MICU2: variants seen among roughly 807,000 people sequenced by gnomAD.
MICU2 encodes calcium uptake protein 2, mitochondrial.
MICU2 carries 64 observed loss-of-function variants against 60.4 expected under a neutral mutation model. The observed-to-expected ratio is 1.06, with a 90% CI of 0.87 to 1.31. The LOEUF (loss-of-function observed/expected upper bound fraction) is 1.31, where lower values mean the gene tolerates loss of function less well. MICU2 is among the 50% of genes most tolerant of loss of function. MICU2 has a pLI of 0.00. For synonymous variants in MICU2, 201 were observed against 175.0 expected (o/e 1.15, Z -1.17); for missense variants, 569 against 531.0 (o/e 1.07, Z -0.70).
Position 21,576,238 on chromosome 13 carries a change from G to A in MICU2, c.211-9294C>T, listed in dbSNP as rs144117091. On this transcript the variant is annotated intron_variant, in intron 1 of 11. Transcript: ENST00000382374. Reference sequence around the variant, plus strand: ...AATTTGAATAGAAAACTAGCAACAGGTCTGGTATCTTGATTTATCTTGACT... The same window carrying A: ...AATTTGAATAGAAAACTAGCAACAGATCTGGTATCTTGATTTATCTTGACT... Among the ~76,000 whole-genome samples, 431 of 152,274 alleles carry A rather than the reference G, an allele frequency of 2.8e-3. 1 individual carries two copies. The highest frequency in any genetic ancestry group is 9.5e-3 in the African/African-American group (396 of 41,554).
intron 6 of MICU2, among the ~76,000 whole-genome samples, chr13:21,519,665 T>C (rs1468277181): frequency 6.6e-6 from 1 of 152,218 alleles, no homozygotes; most frequent in Non-Finnish European, 1.5e-5. Context: ...GCTACATTAC[T>C]GATCTCCAGT....
intron 1 of MICU2, among the ~76,000 whole-genome samples, chr13:21,577,623 G>A (rs1888254207): frequency 6.6e-6 from 1 of 152,080 alleles, no homozygotes; most frequent in Non-Finnish European, 1.5e-5. Flanking sequence ...GGCCAACATG[G>A]TGAAACCCTG....
intron 5 of MICU2, among the ~76,000 whole-genome samples, chr13:21,522,018 A>C (rs1226670364): frequency 1.3e-5 from 2 of 152,222 alleles, no homozygotes; most frequent in Non-Finnish European, 2.9e-5. Flanking sequence ...GGCTCAAGCT[A>C]AAGTGCTGGG....
At chr13:21,532,663 T>C (rs539530698) in intron 4 of MICU2, among the ~76,000 whole-genome samples, 22 of 152,324 alleles carry the variant, frequency 1.4e-4, no homozygotes, top group African/African-American at 4.8e-4. Flanking sequence ...TATGGGGTCA[T>C]AGAAGCCAAA....
chr13:21,529,313 T>C (rs754361130), intron 4 of MICU2, among the ~76,000 whole-genome samples: 4 of 152,214 alleles, frequency 2.6e-5, no homozygotes, highest in Admixed American at 6.5e-5. Flanking sequence ...ACAGGAAGTG[T>C]TGGTTTAGGG....
At chr13:21,585,056 G>C (rs961387097) in intron 1 of MICU2, among the ~76,000 whole-genome samples, 1 of 152,198 alleles carries the variant, frequency 6.6e-6, no homozygotes, top group African/African-American at 2.4e-5. Context: ...TAGATTTACA[G>C]TAGGATCGTT....
chr13:21,574,973 C>T (rs1888189776), intron 1 of MICU2, among the ~76,000 whole-genome samples: 1 of 152,178 alleles, frequency 6.6e-6, no homozygotes, highest in Non-Finnish European at 1.5e-5. Flanking sequence ...ATACATTCTA[C>T]AAAATGACAG....
intron 1 of MICU2, among the ~76,000 whole-genome samples, chr13:21,570,994 CCTTT>C (rs1287489175): frequency 3.9e-5 from 6 of 152,168 alleles, no homozygotes; most frequent in African/African-American, 1.2e-4. Context: ...CTGTTCTTTT[CCTTT>C]CTTTCTTCAC....
chr13:21,517,702 G>A (rs1050245465), intron 6 of MICU2, among the ~76,000 whole-genome samples: 4 of 152,096 alleles, frequency 2.6e-5, no homozygotes, highest in African/African-American at 4.8e-5. Flanking sequence ...GCTGGAGCCC[G>A]GGAGGCAGAG....
chr13:21,579,506 A>T (rs1363813579), intron 1 of MICU2, among the ~76,000 whole-genome samples: 1 of 151,944 alleles, frequency 6.6e-6, no homozygotes, highest in African/African-American at 2.4e-5. Flanking sequence ...ACGCCAAGCT[A>T]ATTTTTTGTA....
chr13:21,536,075 T>C (rs1426277994), intron 4 of MICU2, among the ~76,000 whole-genome samples: 1 of 152,136 alleles, frequency 6.6e-6, no homozygotes, highest in Non-Finnish European at 1.5e-5. Flanking sequence ...TCTATAGGGA[T>C]GTTCTGGTGC....
intron 1 of MICU2, among the ~76,000 whole-genome samples, chr13:21,579,841 A>C (rs1410345319): frequency 6.6e-6 from 1 of 152,210 alleles, no homozygotes; most frequent in Non-Finnish European, 1.5e-5. Flanking sequence ...CTATGCTCTC[A>C]GTAATTTCTG....
chr13:21,536,163 TACTC>T (rs1887125856), intron 4 of MICU2, among the ~76,000 whole-genome samples: 1 of 152,142 alleles, frequency 6.6e-6, no homozygotes, highest in Non-Finnish European at 1.5e-5. Flanking sequence ...AAGGAACTAA[TACTC>T]ACAGAATATA....
rs565459817 is a variant in MICU2 at position 21,510,117 on chromosome 13, C to T, written c.664-16G>A. The T allele has an allele frequency of 3.9e-6, 5 of 1,272,644 alleles. No individual in the cohort carries two copies. Among genetic ancestry groups the T allele is most frequent in the African/African-American group, 3.1e-5 (2 of 64,334 alleles). 78.8% of individuals were successfully genotyped at this position (1,272,644 alleles called of 1,614,324 possible). A position where few individuals can be genotyped will look rare whatever the true frequency, so the allele number is the denominator to read the frequency against. On this transcript the variant is annotated splice_polypyrimidine_tract_variant and intron_variant, in intron 7 of 11. Transcript: ENST00000382374. The stretch of plus-strand genomic sequence containing the variant: ...CTATTGCTTCCTATTAAAAAAATCA[C>T]AATAATTTAAAATAATTATAAATAA...
At chr13:21,555,984 A>C (rs1005860381) in intron 2 of MICU2, among the ~76,000 whole-genome samples, 1 of 152,142 alleles carries the variant, frequency 6.6e-6, no homozygotes, top group Non-Finnish European at 1.5e-5. Context: ...TTCTTCCTGC[A>C]CTGCCAAGTT....
At chr13:21,519,539 G>C (rs1886664001) in intron 6 of MICU2, among the ~76,000 whole-genome samples, 1 of 152,150 alleles carries the variant, frequency 6.6e-6, no homozygotes, top group African/African-American at 2.4e-5. Context: ...CCTCATAAAT[G>C]AAACACTGCT....
intron 1 of MICU2, 168 bp downstream of exon 1, chr13:21,603,771 C>A: frequency 1.4e-6 from 1 of 724,854 alleles, no homozygotes; most frequent in Non-Finnish European, 2.2e-6. Flanking sequence ...AGGCCGGGGG[C>A]CGGTCCAGGA....
At chr13:21,598,683 T>C (rs1348773995) in intron 1 of MICU2, among the ~76,000 whole-genome samples, 1 of 152,000 alleles carries the variant, frequency 6.6e-6, no homozygotes, top group African/African-American at 2.4e-5. Flanking sequence ...ACCACTGCAC[T>C]CCAGCCTGAG....
At chr13:21,603,598 G>C (rs1187538052) in intron 1 of MICU2, 1 of 349,098 alleles carries the variant, frequency 2.9e-6, no homozygotes, top group African/African-American at 2.2e-5. Context: ...GAGGCGAGGC[G>C]CAGTGAGATT....
Sources: allele counts gnomAD v4.1 joint callset (sites outside exome capture counted in the v4.1 genomes callset), GRCh38; gene constraint gnomAD v4.1.1; transcripts MANE v1.5; gene names NCBI Gene and HGNC (gene_info 2026-07-23, HGNC 2026-07-21).